Variants in BRI3BP observed in about 807,000 individuals in gnomAD.
BRI3BP encodes BRI3-binding protein.
BRI3BP carries 7 observed loss-of-function variants against 15.8 expected under a neutral mutation model. The observed-to-expected ratio is 0.44, with a 90% CI of 0.25 to 0.83. BRI3BP has a LOEUF of 0.83. BRI3BP is among the 40% of genes least tolerant of loss of function. The probability of loss-of-function intolerance (pLI) is 0.20; values close to 1 mark genes in which losing one functional copy is unlikely to be tolerated. For synonymous variants in BRI3BP, 192 were observed against 163.5 expected (o/e 1.17, Z -1.33); for missense variants, 320 against 339.3 (o/e 0.94, Z 0.45).
the BRI3BP span, among the ~76,000 whole-genome samples, chr12:125,044,597 C>T: frequency 2.4e-4 from 36 of 151,554 alleles, 1 homozygote; most frequent in African/African-American, 7.8e-4. Context: ...TACAAGCATG[C>T]GCCACCACAC....
Position 125,025,190 on chromosome 12 carries a change from C to T in BRI3BP, c.516C>T (p.Tyr172=), listed in dbSNP as rs1191314209. 6.2e-7 allele frequency: 1 copy of T among 1,614,026 alleles called. No individual in the cohort carries two copies. The highest frequency in any genetic ancestry group is 1.7e-5 in the Admixed American group (1 of 59,996). ...RVVLFSMSCV[Y]ILHKYEGEPE... Reference sequence around the variant, plus strand: ...TCCTGTTTTCCATGTCCTGCGTGTACATCCTGCACAAGTACGAGGGCGAGC... The same window carrying T: ...TCCTGTTTTCCATGTCCTGCGTGTATATCCTGCACAAGTACGAGGGCGAGC... The change falls in exon 3 of 3, where the codon TAC becomes TAT. Residue 172 remains tyrosine (Y), a synonymous_variant. Coordinates refer to ENST00000341446, the MANE Select transcript of BRI3BP (RefSeq NM_080626.6).
intron 1 of BRI3BP, among the ~76,000 whole-genome samples, chr12:125,003,433 C>A (rs777545588): frequency 2.6e-5 from 4 of 152,166 alleles, no homozygotes; most frequent in Non-Finnish European, 2.9e-5. Context: ...TTTCAACTTT[C>A]CATTCTGAAA....
At chr12:125,003,706 AC>A (rs1955115983) in intron 1 of BRI3BP, among the ~76,000 whole-genome samples, 1 of 152,162 alleles carries the variant, frequency 6.6e-6, no homozygotes, top group Non-Finnish European at 1.5e-5. Flanking sequence ...TAATCCCAGC[AC>A]TTTGGGAGGC....
chr12:125,045,893 G>A, the BRI3BP span, among the ~76,000 whole-genome samples: 5 of 152,110 alleles, frequency 3.3e-5, no homozygotes, highest in Admixed American at 2.6e-4. Flanking sequence ...GGCTGAACAC[G>A]GTGACTCACT....
chr12:125,042,271 G>A, the BRI3BP span, among the ~76,000 whole-genome samples: 2 of 152,124 alleles, frequency 1.3e-5, no homozygotes, highest in Admixed American at 6.5e-5. Flanking sequence ...CACAGTACCC[G>A]ATAGGTAGTT....
chr12:125,042,709 G>A, the BRI3BP span, among the ~76,000 whole-genome samples: 13 of 151,892 alleles, frequency 8.6e-5, no homozygotes, highest in African/African-American at 3.1e-4. Flanking sequence ...TAATTTTTTT[G>A]TATTTTTATT....
At position 125,027,621 on chromosome 12, in the gene BRI3BP, G is replaced by A. The variant is rs1420931929; in HGVS notation, c.*2191G>A. ...GGAGGCGGAGGTTGCAGTCAGCTGA[G>A]ATCATACCACCACACTCTAGCCTCA... On this transcript the variant is annotated 3_prime_UTR_variant, in exon 3 of 3. Coordinates refer to ENST00000341446, the MANE Select transcript of BRI3BP (RefSeq NM_080626.6). 2 of 152,058 alleles carry A rather than the reference G, an allele frequency of 1.3e-5. No individual in the cohort carries two copies. 9.4% of individuals were successfully genotyped at this position (152,058 alleles called of 1,614,324 possible). A position where few individuals can be genotyped will look rare whatever the true frequency, so the allele number is the denominator to read the frequency against.
chr12:125,008,124 C>T (rs1326337378), intron 1 of BRI3BP, among the ~76,000 whole-genome samples: 1 of 148,216 alleles, frequency 6.7e-6, no homozygotes, highest in Non-Finnish European at 1.5e-5. Context: ...GCTGCTAGTC[C>T]GGGCACCACC....
the BRI3BP span, among the ~76,000 whole-genome samples, chr12:125,038,967 G>A: frequency 4.6e-5 from 7 of 152,004 alleles, no homozygotes; most frequent in East Asian, 1.4e-3. Flanking sequence ...GCCGGCGCCT[G>A]TAATCCCAGC....
At chr12:125,008,602 C>T (rs1404309123) in intron 1 of BRI3BP, among the ~76,000 whole-genome samples, 1 of 151,892 alleles carries the variant, frequency 6.6e-6, no homozygotes, top group Non-Finnish European at 1.5e-5. Flanking sequence ...TGAGCCACCA[C>T]GCCTGGCCAC....
chr12:125,022,039 C>A (rs1248880396), intron 2 of BRI3BP, among the ~76,000 whole-genome samples: 1 of 149,250 alleles, frequency 6.7e-6, no homozygotes, highest in East Asian at 2.0e-4. Flanking sequence ...GAGATCACAC[C>A]ATCACACTCC....
chr12:125,024,657 G>A (rs1955332699), intron 2 of BRI3BP, among the ~76,000 whole-genome samples: 1 of 152,068 alleles, frequency 6.6e-6, no homozygotes, highest in Admixed American at 6.6e-5. Flanking sequence ...AAATTAGCCG[G>A]GTGTGGTGGC....
intron 1 of BRI3BP, among the ~76,000 whole-genome samples, chr12:125,001,233 T>C (rs1955088480): frequency 6.6e-6 from 1 of 151,934 alleles, no homozygotes; most frequent in African/African-American, 2.4e-5. Flanking sequence ...TTTTTTTGTA[T>C]TTTTAGTAGA....
chr12:125,035,116 T>C (rs1184245579), downstream of BRI3BP, among the ~76,000 whole-genome samples: 1 of 152,256 alleles, frequency 6.6e-6, no homozygotes, highest in Non-Finnish European at 1.5e-5. Context: ...TTGTTTCCTA[T>C]TTGGGGCTAT....
chr12:125,015,000 C>T (rs918557546), intron 2 of BRI3BP, among the ~76,000 whole-genome samples: 9 of 152,198 alleles, frequency 5.9e-5, no homozygotes, highest in African/African-American at 1.9e-4. Flanking sequence ...CTCTTGGGCT[C>T]AAACCATTCT....
the BRI3BP span, among the ~76,000 whole-genome samples, chr12:125,047,713 T>G: frequency 2.0e-5 from 3 of 152,098 alleles, no homozygotes. Context: ...ATTTATTTTT[T>G]TGAGACTGAG....
the BRI3BP span, among the ~76,000 whole-genome samples, chr12:125,049,774 C>T: frequency 6.6e-6 from 1 of 152,184 alleles, no homozygotes; most frequent in Non-Finnish European, 1.5e-5. Context: ...CCGATGTGGC[C>T]CAACTCTCTG....
downstream of BRI3BP, among the ~76,000 whole-genome samples, chr12:125,035,514 A>G (rs768740359): frequency 6.7e-6 from 1 of 150,170 alleles, no homozygotes; most frequent in Non-Finnish European, 1.5e-5. Context: ...ATGCTTCAGT[A>G]TCCCACCTAA....
chr12:125,022,541 A>ATTTATTTATTTATTTATTTTTTTTTTTT, intron 2 of BRI3BP, among the ~76,000 whole-genome samples: 8 of 139,400 alleles, frequency 5.7e-5, no homozygotes, highest in African/African-American at 2.3e-4. Flanking sequence ...TTATTTATTT[A>ATTTATTTATTTATTTATTTTTTTTTTTT]TTTTTTGAGA....
Sources: gnomAD v4.1 joint callset for allele counts (sites outside exome capture counted in the v4.1 genomes callset) on GRCh38, gnomAD v4.1.1 for gene constraint, MANE v1.5 for transcripts, NCBI Gene and HGNC (gene_info 2026-07-23, HGNC 2026-07-21) for gene names.